Variants in SLC4A4 observed in about 807,000 individuals in gnomAD.
SLC4A4 encodes the protein electrogenic sodium bicarbonate cotransporter 1.
Under a neutral mutation model 111.5 loss-of-function variants are expected in SLC4A4, and 27 were observed. That is an observed-to-expected ratio of 0.24 (90% CI 0.18 to 0.33). The LOEUF (loss-of-function observed/expected upper bound fraction) is 0.33. Among genes scored for constraint, SLC4A4 ranks in the 10% least tolerant of loss-of-function variants. The pLI is 1.00. For synonymous variants in SLC4A4, 443 were observed against 463.4 expected, an observed-to-expected ratio of 0.96 and a Z score of 0.57; for missense variants, 909 against 1,315.5, an observed-to-expected ratio of 0.69 and a Z score of 4.78.
rs540867504 is a variant in SLC4A4 at position 71,282,041 on chromosome 4, T to G, written c.253+26642T>G. ...AGTTTTTGTTCATGCATACAAGTTC[T>G]GAAAAAGAACATTTACTTCTTTTTA... On this transcript the variant is annotated intron_variant, in intron 3 of 25. Coordinates refer to ENST00000264485, the MANE Select transcript of SLC4A4 (RefSeq NM_001098484.3). Among the ~76,000 whole-genome samples, 20 of 152,190 alleles carry G rather than the reference T, an allele frequency of 1.3e-4. No individual in the cohort carries two copies. In the East Asian group the frequency reaches 2.7e-3, roughly 21 times the overall value.
intron 6 of SLC4A4, among the ~76,000 whole-genome samples, chr4:71,365,419 G>A (rs973613919): frequency 1.3e-5 from 2 of 152,076 alleles, no homozygotes; most frequent in Non-Finnish European, 2.9e-5. Context: ...GTGCAGATCT[G>A]GGACCACATC....
intron 16 of SLC4A4, among the ~76,000 whole-genome samples, chr4:71,499,176 C>T (rs1221081931): frequency 1.3e-5 from 2 of 151,932 alleles, no homozygotes; most frequent in Non-Finnish European, 2.9e-5. Context: ...TAAATCATCA[C>T]CACCTGCCAA....
At chr4:71,178,395 CA>C (rs144181465) in intron 2 of SLC4A4, among the ~76,000 whole-genome samples, 8,870 of 151,920 alleles carry the variant, frequency 0.058, 822 homozygotes, top group African/African-American at 0.2. Flanking sequence ...AAAATCCCTT[CA>C]AAAAATCAAT....
rs530218614 is a variant in SLC4A4 at position 71,400,171 on chromosome 4, T to C, written c.807+2518T>C. On this transcript the variant is annotated intron_variant, in intron 7 of 25. Transcript: ENST00000264485. ...TCTTTTATTAAGGGCAGCTCTCCTT[T>C]TGCCAGGAATTTGGCAAGAAGCAGC... Among the ~76,000 whole-genome samples, 7 of 152,300 alleles carry C rather than the reference T, an allele frequency of 4.6e-5. No homozygotes were observed. In the South Asian group the frequency reaches 1.5e-3, roughly 32 times the overall value.
At chr4:71,195,353 A>G (rs1287898179) in intron 1 of SLC4A4, among the ~76,000 whole-genome samples, 1 of 146,590 alleles carries the variant, frequency 6.8e-6, no homozygotes, top group Non-Finnish European at 1.5e-5. Flanking sequence ...TTACTTCAGA[A>G]TAACATAAGT....
rs1435864903 is a variant in SLC4A4 at position 71,571,728 on chromosome 4, G to A, written c.*3977G>A. On this transcript the variant is annotated 3_prime_UTR_variant, in exon 26 of 26. Transcript: ENST00000264485. ...TTGCCTCTTTTTAGCCATTTTCATG[G>A]CTGGTACATATTCGTACGCATTACT... The A allele has an allele frequency of 6.6e-6, 1 of 152,196 alleles. No homozygotes were observed. Among genetic ancestry groups the A allele is most frequent in the Non-Finnish European group, 1.5e-5 (1 of 67,864 alleles). The allele number at this position is 152,196 out of a possible 1,614,324, so 9.4% of individuals were successfully genotyped here. A position where few individuals can be genotyped will look rare whatever the true frequency, so the allele number is the denominator to read the frequency against.
chr4:71,495,156 G>C (rs1244395510), intron 15 of SLC4A4, among the ~76,000 whole-genome samples: 2 of 152,026 alleles, frequency 1.3e-5, no homozygotes, highest in African/African-American at 4.8e-5. Context: ...GGCATTTTAA[G>C]TTGATGTAAG....
chr4:71,373,437 G>A (rs1732062032), intron 6 of SLC4A4, among the ~76,000 whole-genome samples: 1 of 152,214 alleles, frequency 6.6e-6, no homozygotes. Flanking sequence ...TCCGTAAATA[G>A]AGATTGTAGT....
At chr4:71,405,522 G>A (rs182887611) in intron 7 of SLC4A4, among the ~76,000 whole-genome samples, 63 of 152,140 alleles carry the variant, frequency 4.1e-4, no homozygotes, top group Non-Finnish European at 6.8e-4. Context: ...GTACAAATAA[G>A]CCTTTAAGAA....
In SLC4A4 at chr4:71,267,805, A is replaced by AAGAAG. The variant is rs1360486479; in HGVS notation, c.253+12407_253+12408insGAAGA. On this transcript the variant is annotated intron_variant, in intron 3 of 25. Transcript: ENST00000264485. Reference sequence around the variant, plus strand: ...TGAGAGTCTGCCAAAAAAAAAAAAAAAAAAAAAAAAAAAGAAAACGAAACG... The same window carrying AAGAAG: ...TGAGAGTCTGCCAAAAAAAAAAAAAAAGAAGAAAAAAAAAAAAAGAAAACGAAACG... 3.9e-4 allele frequency among the ~76,000 whole-genome samples: 58 copies of AAGAAG among 150,048 alleles called. 1 individual carries two copies. The highest frequency in any genetic ancestry group is 1.4e-3 in the African/African-American group (56 of 41,020).
intron 3 of SLC4A4, among the ~76,000 whole-genome samples, chr4:71,289,452 A>G (rs1308047530): frequency 6.6e-6 from 1 of 152,228 alleles, no homozygotes; most frequent in African/African-American, 2.4e-5. Flanking sequence ...AAATGTTCTT[A>G]TATAAGAACT....
chr4:71,303,219 T>C (rs1418181413), intron 3 of SLC4A4, among the ~76,000 whole-genome samples: 1 of 152,166 alleles, frequency 6.6e-6, no homozygotes, highest in Non-Finnish European at 1.5e-5. Context: ...AGAGAAATGG[T>C]AAGAAGGGAG....
chr4:71,334,798 A>G (rs891567661), intron 3 of SLC4A4, among the ~76,000 whole-genome samples: 4 of 152,210 alleles, frequency 2.6e-5, no homozygotes, highest in Non-Finnish European at 5.9e-5. Flanking sequence ...TCTAATGAGT[A>G]GTGATTCATG....
At chr4:71,534,423 T>C (rs368482070) in intron 18 of SLC4A4, 35 bp downstream of exon 18, 4 of 1,602,548 alleles carry the variant, frequency 2.5e-6, no homozygotes, top group Non-Finnish European at 2.6e-6. Context: ...CATTGCCTTC[T>C]ACTTTCTTTT....
intron 1 of SLC4A4, among the ~76,000 whole-genome samples, chr4:71,215,723 G>C (rs747511154): frequency 5.9e-5 from 9 of 152,168 alleles, no homozygotes; most frequent in Non-Finnish European, 1.2e-4. Flanking sequence ...TAACTACTGG[G>C]TGTGTGCTGC....
At chr4:71,110,545 C>A (rs888911493) in intron 2 of SLC4A4, among the ~76,000 whole-genome samples, 2 of 152,234 alleles carry the variant, frequency 1.3e-5, no homozygotes, top group Admixed American at 1.3e-4. Context: ...TAAAGTGAAA[C>A]GAAATAATTC....
At position 71,559,980 on chromosome 4, in the gene SLC4A4, T is replaced by C. The variant is rs999820021; in HGVS notation, c.2938-113T>C. ...CGTCAAGATCAGGTCTGTCATACTC[T>C]ATCTAGCCTTACACAAAGTAGGTTT... On this transcript the variant is annotated intron_variant, in intron 22 of 25. Transcript: ENST00000264485. 91 of 808,974 alleles carry C rather than the reference T, an allele frequency of 1.1e-4. No homozygotes were observed. The Middle Eastern group carries it at 1.4e-3, about 12-fold the overall frequency. 50.1% of individuals were successfully genotyped at this position (808,974 alleles called of 1,614,324 possible). A position where few individuals can be genotyped will look rare whatever the true frequency, so the allele number is the denominator to read the frequency against.
rs552165525 is a variant in SLC4A4, at chr4:71,341,925, G to A, written c.389+2420G>A. Among the ~76,000 whole-genome samples the A allele has an allele frequency of 4.6e-5, 7 of 151,914 alleles. No individual in the cohort carries two copies. In the South Asian group the frequency reaches 1.0e-3, roughly 23 times the overall value. On this transcript the variant is annotated intron_variant, in intron 4 of 25. Coordinates refer to ENST00000264485, the MANE Select transcript of SLC4A4 (RefSeq NM_001098484.3). The stretch of plus-strand genomic sequence containing the variant: ...ACAATGCCCAGAAAAAAAGTAATTC[G>A]GCTTTACTCCTAGCCCCAACAGTAG...
intron 4 of SLC4A4, among the ~76,000 whole-genome samples, chr4:71,339,959 T>C (rs927994040): frequency 8.6e-5 from 13 of 151,860 alleles, no homozygotes; most frequent in African/African-American, 3.1e-4. Context: ...GGCTTGTGCC[T>C]GTAATCACAG....
Sources: gnomAD v4.1 joint callset for allele counts (sites outside exome capture counted in the v4.1 genomes callset) on GRCh38, gnomAD v4.1.1 for gene constraint, MANE v1.5 for transcripts, NCBI Gene and HGNC (gene_info 2026-07-23, HGNC 2026-07-21) for gene names.